The following UBE3D variants were observed in gnomAD, a reference collection of about 807,000 sequenced individuals.
UBE3D encodes ubiquitin protein ligase E3D, also known as E3 ubiquitin-protein ligase E3D.
Under a neutral mutation model 49.6 loss-of-function variants are expected in UBE3D, and 48 were observed. That is an observed-to-expected ratio of 0.97 (90% CI 0.77 to 1.23). The LOEUF (loss-of-function observed/expected upper bound fraction) is 1.23. Among genes scored for constraint, UBE3D ranks in the 50% most tolerant of loss-of-function variants. The pLI is 0.00. For missense variants in UBE3D, 452 were observed against 468.4 expected, an observed-to-expected ratio of 0.96 and a Z score of 0.32; for synonymous variants, 189 against 174.2, an observed-to-expected ratio of 1.08 and a Z score of -0.67.
At chr6:83,059,982 G>C (rs776518021) in intron 1 of UBE3D, among the ~76,000 whole-genome samples, 2 of 152,118 alleles carry the variant, frequency 1.3e-5, no homozygotes, top group African/African-American at 4.8e-5. Context: ...ACTATAGATG[G>C]GTGGCTTAAA....
At chr6:83,032,847 C>A (rs143371952) in intron 5 of UBE3D, among the ~76,000 whole-genome samples, 9 of 152,314 alleles carry the variant, frequency 5.9e-5, no homozygotes, top group African/African-American at 1.4e-4. Flanking sequence ...TTCCCCTGCA[C>A]ATGCTCTGTT....
chr6:83,049,888 T>C, intron 3 of UBE3D: 1 of 451,388 alleles, frequency 2.2e-6, no homozygotes. Context: ...TGGCTGTTTC[T>C]GAGACTATTC....
At chr6:83,011,380 G>A (rs146908524) in intron 8 of UBE3D, among the ~76,000 whole-genome samples, 5,334 of 152,244 alleles carry the variant, frequency 0.035, 151 homozygotes, top group African/African-American at 0.076. Context: ...CCTTCAGCAA[G>A]CACCTCAGCA....
intron 9 of UBE3D, among the ~76,000 whole-genome samples, chr6:82,955,550 T>C (rs1776102123): frequency 1.3e-5 from 2 of 152,330 alleles, no homozygotes; most frequent in Middle Eastern, 3.4e-3. Context: ...ATACAAACTT[T>C]TGCATTATTC....
At chr6:83,060,116 C>T (rs973662157) in intron 1 of UBE3D, among the ~76,000 whole-genome samples, 2 of 152,202 alleles carry the variant, frequency 1.3e-5, no homozygotes, top group African/African-American at 4.8e-5. Context: ...AAAGCCCCAT[C>T]TCCTAACACC....
intron 8 of UBE3D, among the ~76,000 whole-genome samples, chr6:82,998,143 A>G (rs374751752): frequency 2.0e-5 from 3 of 152,224 alleles, no homozygotes; most frequent in African/African-American, 4.8e-5. Context: ...TCCTCCCACA[A>G]TGGATGTTAC....
chr6:83,042,437 T>C (rs1244489119), intron 4 of UBE3D, among the ~76,000 whole-genome samples: 1 of 152,262 alleles, frequency 6.6e-6, no homozygotes, highest in Non-Finnish European at 1.5e-5. Context: ...ATCTTTTTAA[T>C]TAAACATATT....
At chr6:82,957,585 T>C in intron 8 of UBE3D, 135 bp from the exon 9 acceptor site, 1 of 1,117,222 alleles carries the variant, frequency 9.0e-7, no homozygotes, top group Non-Finnish European at 1.2e-6. Context: ...ATATTAAAAA[T>C]TCACAGAGAA....
chr6:83,003,555 G>A (rs1412911459), intron 8 of UBE3D, among the ~76,000 whole-genome samples: 1 of 152,168 alleles, frequency 6.6e-6, no homozygotes, highest in Non-Finnish European at 1.5e-5. Context: ...CCTGAGAAAT[G>A]CATTATTAGG....
rs889951135 is a variant in UBE3D, at chr6:83,020,348, T to C, written c.847-1212A>G. Among the ~76,000 whole-genome samples the C allele has an allele frequency of 2.1e-5, 3 of 141,246 alleles. No individual in the cohort carries two copies. The Admixed American group carries it at 2.1e-4, about 10-fold the overall frequency. 92.7% of individuals were successfully genotyped at this position (141,246 alleles called of 152,430 possible). ...CGCTAATCATGTGATACTGTTTTTT[T>C]TTTTTTTTTTACAAATAGACAAACA... On this transcript the variant is annotated intron_variant, in intron 7 of 9. Coordinates refer to ENST00000369747, the MANE Select transcript of UBE3D (RefSeq NM_198920.3).
chr6:82,919,464 C>T (rs1021762413), intron 9 of UBE3D, among the ~76,000 whole-genome samples: 46 of 151,728 alleles, frequency 3.0e-4, no homozygotes, highest in African/African-American at 8.2e-4. Flanking sequence ...ATTAGCTGGG[C>T]GTGGTGGCAG....
In UBE3D at chr6:83,058,038, A is replaced by AT. The variant is rs769784096; in HGVS notation, c.78-17_78-16insA. ...TTTCGGTTCTCTGGTAATTAAAAACAAAACCCAAACAAATTATTTCTCACA... is the reference window on the plus strand; with the variant it reads ...TTTCGGTTCTCTGGTAATTAAAAACATAAACCCAAACAAATTATTTCTCACA... On this transcript the variant is annotated splice_polypyrimidine_tract_variant and intron_variant, in intron 1 of 9. Coordinates refer to ENST00000369747, the MANE Select transcript of UBE3D (RefSeq NM_198920.3). 6 of 1,612,546 alleles carry AT rather than the reference A, an allele frequency of 3.7e-6. No individual in the cohort carries two copies. The highest frequency in any genetic ancestry group is 5.1e-6 in the Non-Finnish European group (6 of 1,179,302).
chr6:82,974,076 G>T (rs558538594), intron 8 of UBE3D, among the ~76,000 whole-genome samples: 1 of 152,280 alleles, frequency 6.6e-6, no homozygotes, highest in African/African-American at 2.4e-5. Context: ...GCATTACAAT[G>T]TAACAATATT....
intron 8 of UBE3D, 143 bp from the exon 9 acceptor site, chr6:82,957,593 G>A: frequency 9.3e-7 from 1 of 1,074,884 alleles, no homozygotes; most frequent in Non-Finnish European, 1.3e-6. Flanking sequence ...AATTCACAGA[G>A]AACATGTCCA....
chr6:82,912,961 C>T (rs117946267), intron 9 of UBE3D, among the ~76,000 whole-genome samples: 1,577 of 152,258 alleles, frequency 0.01, 12 homozygotes, highest in Admixed American at 0.018. Flanking sequence ...GATGAGGAGC[C>T]ACAGTAACAA....
chr6:83,014,757 T>C (rs1373716257), intron 8 of UBE3D, among the ~76,000 whole-genome samples: 2 of 152,144 alleles, frequency 1.3e-5, no homozygotes, highest in East Asian at 1.9e-4. Flanking sequence ...TTGTCAGTAG[T>C]GTAGAGGGGT....
At chr6:82,931,616 T>C (rs1774160026) in intron 9 of UBE3D, among the ~76,000 whole-genome samples, 1 of 152,238 alleles carries the variant, frequency 6.6e-6, no homozygotes, top group South Asian at 2.1e-4. Flanking sequence ...GTTTAATAAA[T>C]GCCCTATTGG....
intron 8 of UBE3D, among the ~76,000 whole-genome samples, chr6:82,982,670 A>T (rs1195713099): frequency 6.6e-6 from 1 of 152,092 alleles, no homozygotes; most frequent in Non-Finnish European, 1.5e-5. Flanking sequence ...GGGGTTATAC[A>T]CTTCTGTCAG....
At chr6:83,013,060 C>T (rs1780457586) in intron 8 of UBE3D, among the ~76,000 whole-genome samples, 1 of 152,176 alleles carries the variant, frequency 6.6e-6, no homozygotes, top group African/African-American at 2.4e-5. Flanking sequence ...GGCATTTGAG[C>T]CACTTCCTCA....
Sources: allele counts gnomAD v4.1 joint callset (sites outside exome capture counted in the v4.1 genomes callset), GRCh38; gene constraint gnomAD v4.1.1; transcripts MANE v1.5; gene names NCBI Gene and HGNC (gene_info 2026-07-23, HGNC 2026-07-21).